PDHX: variants seen among roughly 807,000 people sequenced by gnomAD.
The protein encoded by PDHX is pyruvate dehydrogenase complex component X, also known as pyruvate dehydrogenase protein X component, mitochondrial.
A neutral mutation model predicts 55.3 loss-of-function variants in PDHX; 33 were observed. The observed-to-expected ratio is 0.60, with a 90% confidence interval of 0.45 to 0.80. PDHX has a LOEUF of 0.80. PDHX is among the 30% of genes least tolerant of loss of function. PDHX has a pLI of 0.00. For missense variants in PDHX, 622 were observed against 619.9 expected (o/e 1.00, Z -0.04); for synonymous variants, 226 against 219.4 (o/e 1.03, Z -0.27).
chr11:34,994,910 C>T lies in PDHX; in HGVS notation c.1248-4C>T, dbSNP rs752629957. ...TCCTTCAGAGCTTTTTCTTTTCCCCCTAGTATTTCCAACTTGGGGATGTTT... is the reference window on the plus strand; with the variant it reads ...TCCTTCAGAGCTTTTTCTTTTCCCCTTAGTATTTCCAACTTGGGGATGTTT... On this transcript the variant is annotated splice_polypyrimidine_tract_variant and splice_region_variant and intron_variant, in intron 10 of 10. Transcript: ENST00000227868. The T allele has an allele frequency of 6.2e-7, 1 of 1,613,776 alleles. No individual in the cohort carries two copies. Among genetic ancestry groups the T allele is most frequent in the South Asian group, 1.1e-5 (1 of 91,034 alleles).
chr11:34,945,283 C>T (rs1373837215), intron 2 of PDHX, among the ~76,000 whole-genome samples: 1 of 152,154 alleles, frequency 6.6e-6, no homozygotes, highest in Admixed American at 6.5e-5. Context: ...AACCCTCAAA[C>T]ATTACTTTAA....
chr11:34,990,334 A>G (rs1328992084), intron 9 of PDHX, among the ~76,000 whole-genome samples: 2 of 152,192 alleles, frequency 1.3e-5, no homozygotes, highest in African/African-American at 4.8e-5. Flanking sequence ...TTGAGTCCAC[A>G]TTGCCAGGAG....
At chr11:34,957,333 A>G (rs749556901) in intron 3 of PDHX, 51 bp from the exon 4 acceptor site, 1 of 1,191,430 alleles carries the variant, frequency 8.4e-7, no homozygotes, top group Non-Finnish European at 1.3e-6. Flanking sequence ...AAACTACTTA[A>G]TGCAGTCATG....
Position 34,988,504 on chromosome 11 carries a change from G to C in PDHX, c.1182+3776G>C, listed in dbSNP as rs377518569. ...CCCACATACTAGTTACATAACTACT[G>C]TATGACTATAGAGGTCAGGTTATCA... On this transcript the variant is annotated intron_variant, in intron 9 of 10. Coordinates refer to ENST00000227868, the MANE Select transcript of PDHX (RefSeq NM_003477.3). 7.4e-5 allele frequency among the ~76,000 whole-genome samples: 11 copies of C among 148,778 alleles called. No individual in the cohort carries two copies. In the East Asian group the frequency reaches 2.0e-3, roughly 28 times the overall value.
At chr11:34,984,929 A>T in intron 9 of PDHX, 1 of 525,130 alleles carries the variant, frequency 1.9e-6, no homozygotes, top group Non-Finnish European at 3.4e-6. Flanking sequence ...AGAAAATTTA[A>T]TATTCAAAAA....
intron 6 of PDHX, among the ~76,000 whole-genome samples, chr11:34,969,389 G>A (rs1789865673): frequency 6.6e-6 from 1 of 150,956 alleles, no homozygotes; most frequent in South Asian, 2.1e-4. Flanking sequence ...TGTCGCCCAG[G>A]CTGGAGTGCA....
At chr11:34,969,990 A>G (rs1855222441) in intron 6 of PDHX, 149 bp from the exon 7 acceptor site, 1 of 720,074 alleles carries the variant, frequency 1.4e-6, no homozygotes, top group Non-Finnish European at 2.4e-6. Flanking sequence ...TATACTAAGA[A>G]TTTTAATAGT....
chr11:34,976,331 A>G (rs1369195204), intron 7 of PDHX, among the ~76,000 whole-genome samples: 4 of 152,170 alleles, frequency 2.6e-5, no homozygotes, highest in Non-Finnish European at 5.9e-5. Context: ...ATTACCTTAC[A>G]AACTGTTTTC....
intron 1 of PDHX, among the ~76,000 whole-genome samples, chr11:34,918,442 A>AG (rs1853795978): frequency 4.6e-4 from 3 of 6,452 alleles, no homozygotes; most frequent in Non-Finnish European, 1.2e-3. Flanking sequence ...GTCTCAGGAG[A>AG]AAAAAAAAAA....
chr11:34,940,438 A>G (rs1390035821), intron 2 of PDHX, among the ~76,000 whole-genome samples: 3 of 152,212 alleles, frequency 2.0e-5, no homozygotes, highest in African/African-American at 7.2e-5. Flanking sequence ...TATAGAAGAC[A>G]CTTTGGTTCC....
In PDHX at chr11:34,931,429, A is replaced by G. The variant is rs768751336; in HGVS notation, c.186A>G (p.Pro62=). ...GTGATCCCATTAAGATACTAATGCC[A>G]TCACTGTCTCCTACAATGGAAGAAG... is the stretch of plus-strand genomic sequence containing the variant. ...LRGDPIKILM[P]SLSPTMEEGN... Residue 62 remains proline (P), a synonymous_variant, in exon 2 of 11, where the codon CCA becomes CCG. Coordinates refer to ENST00000227868, the MANE Select transcript of PDHX (RefSeq NM_003477.3). 14 of 1,606,590 alleles carry G rather than the reference A, an allele frequency of 8.7e-6. No individual in the cohort carries two copies. The highest frequency in any genetic ancestry group is 6.7e-5 in the African/African-American group (5 of 74,718).
chr11:34,986,498 A>T (rs1186235466), intron 9 of PDHX, among the ~76,000 whole-genome samples: 2 of 152,160 alleles, frequency 1.3e-5, no homozygotes, highest in African/African-American at 4.8e-5. Context: ...CCTGTAAAAT[A>T]TAAAGTACTA....
intron 1 of PDHX, among the ~76,000 whole-genome samples, chr11:34,926,372 C>G (rs1039517050): frequency 9.2e-5 from 14 of 152,166 alleles, no homozygotes; most frequent in Admixed American, 8.5e-4. Context: ...AATGAACAGT[C>G]TCTCTCCCTA....
rs533512853 is a variant in PDHX at position 34,994,932 on chromosome 11, G to A, written c.1266G>A (p.Met422Ile). The change falls in exon 11 of 11, where the codon ATG becomes ATA. Residue 422 changes from methionine to isoleucine, a missense_variant. Physicochemically the swap from Met to Ile is conservative, Grantham distance 10. Transcript: ENST00000227868. The part of the protein sequence containing the change: ...GGSFSISNLG[M>I]FGIDEFTAVI... ...CCCCTAGTATTTCCAACTTGGGGAT[G>A]TTTGGCATCGACGAATTTACTGCAG... 520 of 1,613,908 alleles carry A rather than the reference G, an allele frequency of 3.2e-4. 4 individuals carry two copies. The South Asian group carries it at 5.4e-3, about 17-fold the overall frequency.
rs752758270 is a variant in PDHX at position 34,947,639 on chromosome 11, T to C, written c.342+33T>C. 2.1e-6 allele frequency: 3 copies of C among 1,397,744 alleles called. No homozygotes were observed. In the Admixed American group the frequency reaches 5.0e-5, roughly 23 times the overall value. The allele number at this position is 1,397,744 out of a possible 1,614,324, so 86.6% of individuals were successfully genotyped here. On this transcript the variant is annotated intron_variant, in intron 3 of 10. Coordinates refer to ENST00000227868, the MANE Select transcript of PDHX (RefSeq NM_003477.3). ...TTTATTTTAATTTTCTTCAACAGGATGAAGATTTCTTGAGTGGAAAGTTCA... is the reference window on the plus strand; with the variant it reads ...TTTATTTTAATTTTCTTCAACAGGACGAAGATTTCTTGAGTGGAAAGTTCA...
Position 34,995,572 on chromosome 11 carries a change from G to T in PDHX, c.*400G>T. ...TACCATAATTATGTTGAAGGTAGAA[G>T]TGATCTTCAAAGAGATGGCCATTAA... On this transcript the variant is annotated 3_prime_UTR_variant, in exon 11 of 11. Coordinates refer to ENST00000227868, the MANE Select transcript of PDHX (RefSeq NM_003477.3). 3.8e-6 allele frequency: 1 copy of T among 266,392 alleles called. No individual in the cohort carries two copies. Among genetic ancestry groups the T allele is most frequent in the South Asian group, 4.0e-5 (1 of 24,752 alleles). 16.5% of individuals were successfully genotyped at this position (266,392 alleles called of 1,614,324 possible). A position where few individuals can be genotyped will look rare whatever the true frequency, so the allele number is the denominator to read the frequency against.
At chr11:34,978,846 G>A (rs2133991664) in intron 8 of PDHX, among the ~76,000 whole-genome samples, 1 of 152,238 alleles carries the variant, frequency 6.6e-6, no homozygotes, top group South Asian at 2.1e-4. Flanking sequence ...TGAGGACTAG[G>A]GATTTTATTA....
chr11:34,983,477 T>G (rs1315177297), intron 8 of PDHX, among the ~76,000 whole-genome samples: 1 of 152,114 alleles, frequency 6.6e-6, no homozygotes, highest in Non-Finnish European at 1.5e-5. Flanking sequence ...AAAGAAGAAG[T>G]CAAATTGTCC....
At chr11:34,974,005 AAC>A (rs1171387133) in intron 7 of PDHX, among the ~76,000 whole-genome samples, 1 of 152,184 alleles carries the variant, frequency 6.6e-6, no homozygotes, top group Non-Finnish European at 1.5e-5. Context: ...TCCTTTTTAA[AAC>A]AATTTTTTAA....
Sources: gnomAD v4.1 joint callset for allele counts (sites outside exome capture counted in the v4.1 genomes callset) on GRCh38, gnomAD v4.1.1 for gene constraint, MANE v1.5 for transcripts, NCBI Gene and HGNC (gene_info 2026-07-23, HGNC 2026-07-21) for gene names.